Variants in BMERB1 observed in about 807,000 individuals in gnomAD.
BMERB1 encodes the protein bMERB domain-containing protein 1.
In BMERB1, 12 loss-of-function variants were observed where a neutral mutation model predicts 23.6. The observed-to-expected ratio is 0.51, with a 90% CI of 0.33 to 0.82. BMERB1 has a LOEUF of 0.82. BMERB1 is among the 40% of genes least tolerant of loss of function. BMERB1 has a pLI of 0.03. For synonymous variants in BMERB1, 122 were observed against 96.6 expected, an observed-to-expected ratio of 1.26 and a Z score of -1.54; for missense variants, 247 against 255.4, an observed-to-expected ratio of 0.97 and a Z score of 0.22.
chr16:15,468,965 C>CT (rs773392188), intron 1 of BMERB1, among the ~76,000 whole-genome samples: 11,217 of 126,376 alleles, frequency 0.089, 1,632 homozygotes, highest in African/African-American at 0.28. Context: ...CATCTTCACA[C>CT]TTTTTTTTTT....
At chr16:15,515,221 G>A (rs1598486350) in intron 1 of BMERB1, 84 bp from the exon 2 acceptor site, 2 of 1,588,176 alleles carry the variant, frequency 1.3e-6, no homozygotes, top group Admixed American at 1.7e-5. Context: ...CGCAGAGCAA[G>A]GCTGTGCCCT....
chr16:15,477,712 GT>G (rs555987464), intron 1 of BMERB1, among the ~76,000 whole-genome samples: 35 of 146,686 alleles, frequency 2.4e-4, no homozygotes, highest in African/African-American at 6.2e-4. Flanking sequence ...TTCTTAGAGC[GT>G]TTTTTTTTTT....
intron 2 of BMERB1, among the ~76,000 whole-genome samples, chr16:15,523,690 A>T (rs929722541): frequency 6.6e-6 from 1 of 152,202 alleles, no homozygotes; most frequent in Middle Eastern, 3.2e-3. Context: ...GGACAGTGAT[A>T]TCTCCCTGCA....
chr16:15,490,610 C>T (rs2051411595), intron 1 of BMERB1, among the ~76,000 whole-genome samples: 1 of 152,150 alleles, frequency 6.6e-6, no homozygotes, highest in Non-Finnish European at 1.5e-5. Context: ...ACCCCACTTT[C>T]TTGTCCAGGT....
chr16:15,513,575 C>G lies in BMERB1; in HGVS notation c.107-1730C>G, dbSNP rs529356746. 4.6e-4 allele frequency among the ~76,000 whole-genome samples: 70 copies of G among 152,224 alleles called. 1 individual carries two copies. The highest frequency in any genetic ancestry group is 1.6e-3 in the African/African-American group (67 of 41,552). On this transcript the variant is annotated intron_variant, in intron 1 of 5. Coordinates refer to ENST00000300006, the MANE Select transcript of BMERB1 (RefSeq NM_033201.3). ...TATATATTAACATTTTAACTGCTAA[C>G]ATTTTAGTGGACTTTTTCAGTCTTT... is the stretch of plus-strand genomic sequence containing the variant.
chr16:15,530,031 G>A (rs990551448), intron 2 of BMERB1, among the ~76,000 whole-genome samples: 1 of 152,138 alleles, frequency 6.6e-6, no homozygotes, highest in African/African-American at 2.4e-5. Context: ...ATTCATTCCA[G>A]CTTCTAGAAC....
chr16:15,573,924 C>A (rs1335470836), intron 3 of BMERB1, among the ~76,000 whole-genome samples: 2 of 145,562 alleles, frequency 1.4e-5, no homozygotes, highest in Admixed American at 1.4e-4. Flanking sequence ...GCAGGAGGAA[C>A]TGCCCAACCC....
intron 3 of BMERB1, among the ~76,000 whole-genome samples, chr16:15,580,805 A>G (rs149507562): frequency 6.6e-6 from 1 of 151,860 alleles, no homozygotes; most frequent in Non-Finnish European, 1.5e-5. Flanking sequence ...TTGGCCTCCC[A>G]AAGTGCTGGG....
intron 2 of BMERB1, among the ~76,000 whole-genome samples, chr16:15,527,286 T>C (rs568748837): frequency 6.6e-6 from 1 of 152,298 alleles, no homozygotes; most frequent in Non-Finnish European, 1.5e-5. Flanking sequence ...CTGTCTCTGA[T>C]TTTGATGACT....
chr16:15,560,693 T>C (rs971792561), intron 2 of BMERB1, among the ~76,000 whole-genome samples: 13 of 151,830 alleles, frequency 8.6e-5, no homozygotes, highest in African/African-American at 3.1e-4. Context: ...CTCTGGAGGC[T>C]GAGGAGGGAG....
chr16:15,542,252 C>T (rs1234584232), intron 2 of BMERB1, among the ~76,000 whole-genome samples: 3 of 151,284 alleles, frequency 2.0e-5, no homozygotes, highest in Admixed American at 6.6e-5. Context: ...TTAGTAGAGA[C>T]GGGGGTTTCA....
intron 2 of BMERB1, among the ~76,000 whole-genome samples, chr16:15,530,871 A>G (rs1166365327): frequency 3.3e-5 from 5 of 150,466 alleles, no homozygotes; most frequent in Non-Finnish European, 7.4e-5. Flanking sequence ...GCTATGTGGA[A>G]CTGTGAGTCA....
chr16:15,489,058 G>A (rs943473091), intron 1 of BMERB1, among the ~76,000 whole-genome samples: 3 of 152,092 alleles, frequency 2.0e-5, no homozygotes, highest in African/African-American at 7.2e-5. Context: ...TTTCCCCCAG[G>A]GGGGTTCACA....
intron 1 of BMERB1, among the ~76,000 whole-genome samples, chr16:15,435,317 C>T (rs1308175835): frequency 1.3e-5 from 2 of 152,156 alleles, no homozygotes; most frequent in African/African-American, 4.8e-5. Flanking sequence ...AGGCACACAC[C>T]GTTCTCTTTT....
intron 2 of BMERB1, among the ~76,000 whole-genome samples, chr16:15,546,205 T>C (rs558140948): frequency 6.6e-6 from 1 of 152,266 alleles, no homozygotes; most frequent in South Asian, 2.1e-4. Flanking sequence ...GGAGGATGTC[T>C]TGAGCCTGGG....
intron 4 of BMERB1, 110 bp downstream of exon 4, chr16:15,581,441 G>T: frequency 1.2e-6 from 1 of 819,040 alleles, no homozygotes; most frequent in East Asian, 2.7e-5. Flanking sequence ...TAACAGGCAT[G>T]GCCTTGATCC....
intron 2 of BMERB1, among the ~76,000 whole-genome samples, chr16:15,538,184 G>A (rs1283235312): frequency 2.0e-5 from 3 of 152,206 alleles, no homozygotes; most frequent in African/African-American, 7.2e-5. Context: ...CGGATGCGTT[G>A]GCTCATGCCT....
chr16:15,536,742 T>C (rs908305660), intron 2 of BMERB1: 3 of 152,188 alleles, frequency 2.0e-5, no homozygotes, highest in African/African-American at 7.2e-5. Context: ...TCTTGTCTAG[T>C]TGTTCCAAGG....
At chr16:15,501,345 T>C (rs1432035749) in intron 1 of BMERB1, among the ~76,000 whole-genome samples, 1 of 141,588 alleles carries the variant, frequency 7.1e-6, no homozygotes, top group Non-Finnish European at 1.5e-5. Flanking sequence ...CAGGCTGGAG[T>C]GCAGTGACTC....
Sources: gnomAD v4.1 joint callset for allele counts (sites outside exome capture counted in the v4.1 genomes callset) on GRCh38, gnomAD v4.1.1 for gene constraint, MANE v1.5 for transcripts, NCBI Gene and HGNC (gene_info 2026-07-23, HGNC 2026-07-21) for gene names.